Variants in RASGRP4 observed in about 807,000 individuals in gnomAD.
The protein encoded by RASGRP4 is RAS guanyl releasing protein 4.
A neutral mutation model predicts 84.4 loss-of-function variants in RASGRP4; 52 were observed. The observed-to-expected ratio is 0.62, with a 90% confidence interval of 0.49 to 0.78. The LOEUF is 0.78. Among genes scored for constraint, RASGRP4 ranks in the 30% least tolerant of loss-of-function variants. The pLI, the probability that RASGRP4 is intolerant of heterozygous loss-of-function variation, is 0.00. For missense variants in RASGRP4, 760 were observed against 886.9 expected (o/e 0.86, Z 1.82); for synonymous variants, 356 against 359.1 (o/e 0.99, Z 0.10).
chr19:38,420,800 G>T, intron 4 of RASGRP4, 108 bp downstream of exon 4: 2 of 1,153,434 alleles, frequency 1.7e-6, no homozygotes, highest in South Asian at 2.5e-5. Context: ...TGTGGGGCTG[G>T]TTGGGTCTGT....
chr19:38,421,422 A>G (rs1971744665), intron 2 of RASGRP4, among the ~76,000 whole-genome samples: 1 of 152,126 alleles, frequency 6.6e-6, no homozygotes, highest in South Asian at 2.1e-4. Flanking sequence ...TTGAAATAGC[A>G]CCAGACTGGC....
In RASGRP4 at chr19:38,411,173, G is replaced by A. The variant is rs372969257; in HGVS notation, c.1794C>T (p.Gly598=). 7.4e-5 allele frequency: 120 copies of A among 1,613,846 alleles called. No homozygotes were observed. Among genetic ancestry groups the A allele is most frequent in the Middle Eastern group, 4.9e-4 (3 of 6,062 alleles). The change falls in exon 15 of 17, where the codon GGC becomes GGT. Residue 598 remains glycine (G), a synonymous_variant. Transcript: ENST00000615439. ...VECKKRPGAK[G]DAGPPGAPVP... ...CAGGAGCTCCGGGGGGTCCTGCATC[G>A]CCCTTGGCCCCTGGCCTCTTCTTAC...
Position 38,418,576 on chromosome 19 carries a change from G to A in RASGRP4, c.664-12C>T, listed in dbSNP as rs1380327959. ...CGCAGGTCCTGGGGCTGGGAGCGAGGTGGGTGTCAAGGTGGGCCGTGGCGC... is the reference window on the plus strand; with the variant it reads ...CGCAGGTCCTGGGGCTGGGAGCGAGATGGGTGTCAAGGTGGGCCGTGGCGC... On this transcript the variant is annotated splice_polypyrimidine_tract_variant and intron_variant, in intron 6 of 16. Transcript: ENST00000615439. This position sits in a 1 kb window ranked among gnomAD's most constrained non-coding sequence, Gnocchi z 4.6. The A allele has an allele frequency of 6.7e-7, 1 of 1,503,182 alleles. No individual in the cohort carries two copies. Among genetic ancestry groups the A allele is most frequent in the East Asian group, 2.5e-5 (1 of 40,262 alleles). The allele number at this position is 1,503,182 out of a possible 1,614,324, so 93.1% of individuals were successfully genotyped here.
chr19:38,410,033 G>C lies in RASGRP4; in HGVS notation c.*7C>G. On this transcript the variant is annotated 3_prime_UTR_variant, in exon 17 of 17. Coordinates refer to ENST00000615439, the MANE Select transcript of RASGRP4 (RefSeq NM_170604.3). ...GGGAGTGAGGAAGAGAGGAGACCAA[G>C]AGATGTCTAGGAATCCAGCTTGGAG... 1 of 1,610,014 alleles carries C rather than the reference G, an allele frequency of 6.2e-7. No individual in the cohort carries two copies. Among genetic ancestry groups the C allele is most frequent in the South Asian group, 1.1e-5 (1 of 90,602 alleles).
At position 38,409,984 on chromosome 19, in the gene RASGRP4, A is replaced by G; in HGVS notation, c.*56T>C. 7.0e-7 allele frequency: 1 copy of G among 1,438,716 alleles called. No individual in the cohort carries two copies. The highest frequency in any genetic ancestry group is 9.5e-7 in the Non-Finnish European group (1 of 1,047,342). 89.1% of individuals were successfully genotyped at this position (1,438,716 alleles called of 1,614,324 possible). ...GGGAGCCCTGCCAGAGTCTGACGGC[A>G]GGACTCAGGACTGACTGGGGGAAGG... On this transcript the variant is annotated 3_prime_UTR_variant, in exon 17 of 17. Coordinates refer to ENST00000615439, the MANE Select transcript of RASGRP4 (RefSeq NM_170604.3).
rs1971278554 is a variant in RASGRP4 at position 38,412,083 on chromosome 19, T to TTG, written c.1680+588_1680+589insCA. Among the ~76,000 whole-genome samples the TTG allele has an allele frequency of 7.8e-6, 1 of 128,692 alleles. No homozygotes were observed. Among genetic ancestry groups the TTG allele is most frequent in the Admixed American group, 7.8e-5 (1 of 12,882 alleles). 84.4% of individuals were successfully genotyped at this position (128,692 alleles called of 152,430 possible). A position where few individuals can be genotyped will look rare whatever the true frequency, so the allele number is the denominator to read the frequency against. On this transcript the variant is annotated intron_variant, in intron 13 of 16. Coordinates refer to ENST00000615439, the MANE Select transcript of RASGRP4 (RefSeq NM_170604.3). The surrounding 1 kb of genome is among the most constrained non-coding windows in gnomAD (Gnocchi z 4.6). ...CTACCCGGTTTGGAGATTATCCAGG[T>TTG]TTGTTGTTGTTGTTGTTGTTGTTGT...
In RASGRP4 at chr19:38,417,736, AG is replaced by A. The variant is rs1971557306; in HGVS notation, c.838-569del. On this transcript the variant is annotated intron_variant, in intron 7 of 16. Transcript: ENST00000615439. This position sits in a 1 kb window ranked among gnomAD's most constrained non-coding sequence, Gnocchi z 5.1. Reference sequence around the variant, plus strand: ...AGGTTGCTGTGGAGAGAGTGGGGCCAGGGAGGAATGGAAAATGCTCAGACTA... The same window carrying A: ...AGGTTGCTGTGGAGAGAGTGGGGCCAGGAGGAATGGAAAATGCTCAGACTA... Among the ~76,000 whole-genome samples, 2 of 152,134 alleles carry A rather than the reference AG, an allele frequency of 1.3e-5. No individual in the cohort carries two copies. Among genetic ancestry groups the A allele is most frequent in the Admixed American group, 1.3e-4 (2 of 15,274 alleles).
At chr19:38,411,785 A>G (rs1971267799) in intron 13 of RASGRP4, among the ~76,000 whole-genome samples, 1 of 152,252 alleles carries the variant, frequency 6.6e-6, no homozygotes, top group Admixed American at 6.5e-5. Context: ...AGTTACTAAA[A>G]TGCAAATTCT....
chr19:38,412,419 G>C lies in RASGRP4; in HGVS notation c.1680+253C>G. Reference sequence around the variant, plus strand: ...TTACAGGCGTGAGCCACCACTCCTGGCCTCCTATCTAGAGTTTTAGGTATT... The same window carrying C: ...TTACAGGCGTGAGCCACCACTCCTGCCCTCCTATCTAGAGTTTTAGGTATT... On this transcript the variant is annotated intron_variant, in intron 13 of 16. Coordinates refer to ENST00000615439, the MANE Select transcript of RASGRP4 (RefSeq NM_170604.3). This position sits in a 1 kb window ranked among gnomAD's most constrained non-coding sequence, Gnocchi z 4.6. The C allele has an allele frequency of 2.1e-6, 1 of 477,082 alleles. No individual in the cohort carries two copies. The highest frequency in any genetic ancestry group is 3.7e-6 in the Non-Finnish European group (1 of 267,120). 29.6% of individuals were successfully genotyped at this position (477,082 alleles called of 1,614,324 possible).
rs966980072 is a variant in RASGRP4, at chr19:38,426,162, C to T, written c.-71G>A. The T allele has an allele frequency of 4.1e-6, 5 of 1,215,214 alleles. No individual in the cohort carries two copies. The highest frequency in any genetic ancestry group is 5.3e-6 in the Non-Finnish European group (5 of 951,934). 75.3% of individuals were successfully genotyped at this position (1,215,214 alleles called of 1,614,324 possible). A position where few individuals can be genotyped will look rare whatever the true frequency, so the allele number is the denominator to read the frequency against. On this transcript the variant is annotated 5_prime_UTR_variant, in exon 1 of 17. Transcript: ENST00000615439. ...GCTCAGCTCCTCCCCTTGCCCAGGA[C>T]TCCAGCTTCTCAGCCCCTAGGGAGC...
In RASGRP4 at chr19:38,420,904, C is replaced by T. The variant is rs1310197569; in HGVS notation, c.377+4G>A. The T allele has an allele frequency of 1.2e-6, 2 of 1,613,162 alleles. No individual in the cohort carries two copies. Among genetic ancestry groups the T allele is most frequent in the East Asian group, 4.5e-5 (2 of 44,864 alleles). On this transcript the variant is annotated splice_donor_region_variant and intron_variant, in intron 4 of 16. Transcript: ENST00000615439. The stretch of plus-strand genomic sequence containing the variant: ...TGAGAGTGGGGATCTCGGCCCAGCC[C>T]TACCTGACCAGGTGACAGATCTGCA...
intron 4 of RASGRP4, 33 bp from the exon 5 acceptor site, chr19:38,420,295 CG>C: frequency 3.1e-6 from 5 of 1,605,640 alleles, no homozygotes; most frequent in Non-Finnish European, 3.4e-6. Flanking sequence ...GAGATGAGGC[CG>C]GGGGTGGCGA....
Position 38,413,372 on chromosome 19 carries a change from G to A in RASGRP4, c.1311+22C>T, listed in dbSNP as rs182584590. 2,587 of 1,607,614 alleles carry A rather than the reference G, an allele frequency of 1.6e-3. 10 individuals carry two copies. Among genetic ancestry groups the A allele is most frequent in the Middle Eastern group, 8.6e-3 (52 of 6,046 alleles). On this transcript the variant is annotated intron_variant, in intron 10 of 16. Transcript: ENST00000615439. The surrounding 1 kb of genome is among the most constrained non-coding windows in gnomAD (Gnocchi z 4.7). ...GGGTTCGAGGTAATTGGGGGAGTCC[G>A]AGGCCAGGGGTTGGGTCTCACCAGG...
chr19:38,411,304 C>T (rs747869779), intron 14 of RASGRP4, 41 bp downstream of exon 14: 34 of 1,610,338 alleles, frequency 2.1e-5, no homozygotes, highest in Admixed American at 2.0e-4. Flanking sequence ...TTCCAGCCTG[C>T]GGGCCAAGGC....
In RASGRP4 at chr19:38,425,209, A is replaced by C. The variant is rs568631105; in HGVS notation, c.23+860T>G. On this transcript the variant is annotated intron_variant, in intron 1 of 16. Transcript: ENST00000615439. ...AAAAAAAAAAAACAAAAAAAAAAAAACCAAACACTTTAAAGGTAAGCCCAG... is the reference window on the plus strand; with the variant it reads ...AAAAAAAAAAAACAAAAAAAAAAAACCCAAACACTTTAAAGGTAAGCCCAG... Among the ~76,000 whole-genome samples the C allele has an allele frequency of 2.4e-4, 37 of 151,598 alleles. No homozygotes were observed. The East Asian group carries it at 5.0e-3, about 21-fold the overall frequency.
rs1971557176 is a variant in RASGRP4 at position 38,417,736 on chromosome 19, A to G, written c.838-568T>C. Among the ~76,000 whole-genome samples the G allele has an allele frequency of 3.3e-5, 5 of 152,252 alleles. No individual in the cohort carries two copies. In the South Asian group the frequency reaches 1.0e-3, roughly 32 times the overall value. ...AGGTTGCTGTGGAGAGAGTGGGGCC[A>G]GGGAGGAATGGAAAATGCTCAGACT... On this transcript the variant is annotated intron_variant, in intron 7 of 16. Transcript: ENST00000615439. The surrounding 1 kb of genome is among the most constrained non-coding windows in gnomAD (Gnocchi z 5.1).
chr19:38,415,162 C>T (rs1232997363), intron 8 of RASGRP4, 39 bp from the exon 9 acceptor site: 18 of 1,523,894 alleles, frequency 1.2e-5, no homozygotes, highest in Non-Finnish European at 1.6e-5. Flanking sequence ...GTTATCAGGA[C>T]AGTCCCATCC....
chr19:38,417,202 G>A lies in RASGRP4; in HGVS notation c.838-34C>T, dbSNP rs910250881. ...AGAAGCATGCACACAGGGCCGTCAC[G>A]GGAGGGAGGGCAAGTCAGGAGTTCA... is the stretch of plus-strand genomic sequence containing the variant. On this transcript the variant is annotated intron_variant, in intron 7 of 16. Coordinates refer to ENST00000615439, the MANE Select transcript of RASGRP4 (RefSeq NM_170604.3). The surrounding 1 kb of genome is among the most constrained non-coding windows in gnomAD (Gnocchi z 5.1). 1.3e-5 allele frequency: 18 copies of A among 1,383,014 alleles called. No homozygotes were observed. The highest frequency in any genetic ancestry group is 1.8e-4 in the Middle Eastern group (1 of 5,700). The allele number at this position is 1,383,014 out of a possible 1,614,324, so 85.7% of individuals were successfully genotyped here. A position where few individuals can be genotyped will look rare whatever the true frequency, so the allele number is the denominator to read the frequency against.
rs1383353752 is a variant in RASGRP4 at position 38,412,768 on chromosome 19, G to A, written c.1584C>T (p.Ala528=). The A allele has an allele frequency of 6.2e-7, 1 of 1,608,552 alleles. No homozygotes were observed. The highest frequency in any genetic ancestry group is 2.2e-5 in the East Asian group (1 of 44,712). ...GGCCCAACTTGGAGCAGATGGCGCT[G>A]GCCCGGAGCAGGTACCCTGTCAGCT... ...REELTGYLLR[A]SAICSKLGLA... Residue 528 remains alanine, a synonymous_variant, in exon 13 of 17, where the codon GCC becomes GCT. Coordinates refer to ENST00000615439, the MANE Select transcript of RASGRP4 (RefSeq NM_170604.3). This position sits in a 1 kb window ranked among gnomAD's most constrained non-coding sequence, Gnocchi z 4.6.
Sources: gnomAD v4.1 joint callset for allele counts (sites outside exome capture counted in the v4.1 genomes callset) on GRCh38, gnomAD v4.1.1 for gene constraint, Gnocchi (gnomAD v3.1) non-coding constraint, MANE v1.5 for transcripts, NCBI Gene and HGNC (gene_info 2026-07-23, HGNC 2026-07-21) for gene names.